EXOC6: variants seen among roughly 807,000 people sequenced by gnomAD.
EXOC6 encodes the protein exocyst complex component 6.
Under a neutral mutation model 112.5 loss-of-function variants are expected in EXOC6, and 60 were observed. The ratio of observed to expected loss-of-function variants is 0.53; its 90% confidence interval spans 0.43 to 0.66. The LOEUF (loss-of-function observed/expected upper bound fraction) is 0.66. Ranked by LOEUF, EXOC6 falls within the 30% of genes least tolerant of loss-of-function variation. The pLI, the probability that EXOC6 is intolerant of heterozygous loss-of-function variation, is 0.00. For missense variants in EXOC6, 855 were observed against 957.1 expected, an observed-to-expected ratio of 0.89 and a Z score of 1.41; for synonymous variants, 295 against 308.0, an observed-to-expected ratio of 0.96 and a Z score of 0.44.
intron 20 of EXOC6, among the ~76,000 whole-genome samples, chr10:93,023,700 C>T (rs1022907744): frequency 6.6e-6 from 1 of 152,028 alleles, no homozygotes; most frequent in Non-Finnish European, 1.5e-5. Context: ...TTTACAAAGA[C>T]CATATGTTTT....
chr10:92,880,336 C>T (rs1366614706), intron 1 of EXOC6, among the ~76,000 whole-genome samples: 2 of 152,190 alleles, frequency 1.3e-5, no homozygotes, highest in African/African-American at 4.8e-5. Context: ...TTAGTATAGA[C>T]GCAACCACCC....
intron 17 of EXOC6, among the ~76,000 whole-genome samples, chr10:92,968,951 G>A (rs1016634743): frequency 2.0e-5 from 3 of 151,786 alleles, no homozygotes; most frequent in South Asian, 2.1e-4. Flanking sequence ...TCATTTCTTC[G>A]TTACTCATTA....
intron 1 of EXOC6, among the ~76,000 whole-genome samples, chr10:92,881,998 A>G (rs1329509267): frequency 6.6e-6 from 1 of 152,130 alleles, no homozygotes; most frequent in East Asian, 1.9e-4. Flanking sequence ...TTCTTTATCA[A>G]TTACCCAGTC....
chr10:92,937,569 T>A (rs1213744783), intron 12 of EXOC6, among the ~76,000 whole-genome samples: 3 of 152,194 alleles, frequency 2.0e-5, no homozygotes, highest in Non-Finnish European at 4.4e-5. Context: ...CACTCATGTC[T>A]ATTATATATT....
chr10:92,848,770 C>T (rs879467185), intron 1 of EXOC6, 136 bp downstream of exon 1: 1 of 616,438 alleles, frequency 1.6e-6, no homozygotes, highest in Non-Finnish European at 2.1e-6. Flanking sequence ...GGCGGGGGCG[C>T]TCGCGGGTGG....
intron 19 of EXOC6, among the ~76,000 whole-genome samples, chr10:93,007,254 T>A (rs185519386): frequency 4.0e-5 from 6 of 150,670 alleles, no homozygotes; most frequent in African/African-American, 1.2e-4. Flanking sequence ...TTTGCATAGA[T>A]CCTGAGGGGA....
intron 1 of EXOC6, among the ~76,000 whole-genome samples, chr10:92,856,327 G>C (rs1490884262): frequency 1.3e-5 from 2 of 151,728 alleles, no homozygotes; most frequent in African/African-American, 2.4e-5. Flanking sequence ...TTTTAATATT[G>C]GTTTTTACAG....
chr10:92,975,665 G>A (rs1400440895), intron 18 of EXOC6, among the ~76,000 whole-genome samples: 1 of 124,898 alleles, frequency 8.0e-6, no homozygotes, highest in African/African-American at 3.1e-5. Flanking sequence ...GAGGTGAGGG[G>A]CGCCTCTGCC....
Position 92,892,684 on chromosome 10 carries a change from T to C in EXOC6, c.102-665T>C, listed in dbSNP as rs112583519. On this transcript the variant is annotated intron_variant, in intron 1 of 21. Coordinates refer to ENST00000260762, the MANE Select transcript of EXOC6 (RefSeq NM_019053.6). Reference sequence around the variant, plus strand: ...GCAAGGGTAGTCCTTTACTGCATGGTGAATAGAGGGGTACGCTCTCTGTGG... The same window carrying C: ...GCAAGGGTAGTCCTTTACTGCATGGCGAATAGAGGGGTACGCTCTCTGTGG... 6.0e-3 allele frequency among the ~76,000 whole-genome samples: 916 copies of C among 152,158 alleles called. 7 individuals are homozygous for C. The highest frequency in any genetic ancestry group is 9.3e-3 in the South Asian group (45 of 4,820).
intron 19 of EXOC6, among the ~76,000 whole-genome samples, chr10:93,002,998 G>A (rs1444555809): frequency 6.6e-6 from 1 of 152,076 alleles, no homozygotes; most frequent in Non-Finnish European, 1.5e-5. Context: ...GCAAGGATCA[G>A]GAACTCAGAT....
At chr10:92,976,067 G>T (rs1166186732) in intron 18 of EXOC6, among the ~76,000 whole-genome samples, 1 of 132,462 alleles carries the variant, frequency 7.5e-6, no homozygotes, top group African/African-American at 2.9e-5. Flanking sequence ...TCAGCCCCCC[G>T]CCCGGCCAGC....
chr10:93,012,460 C>T (rs960296655), intron 19 of EXOC6, among the ~76,000 whole-genome samples: 2 of 152,050 alleles, frequency 1.3e-5, no homozygotes, highest in African/African-American at 4.8e-5. Flanking sequence ...CAGAGAATTA[C>T]GATACATTTT....
At chr10:92,965,382 T>C (rs1188629068) in intron 17 of EXOC6, among the ~76,000 whole-genome samples, 1 of 152,184 alleles carries the variant, frequency 6.6e-6, no homozygotes, top group African/African-American at 2.4e-5. Context: ...AGTTCTCAAA[T>C]TATGCTAGAT....
intron 6 of EXOC6, among the ~76,000 whole-genome samples, chr10:92,914,760 A>G (rs1850989847): frequency 6.6e-6 from 1 of 152,156 alleles, no homozygotes; most frequent in Non-Finnish European, 1.5e-5. Flanking sequence ...TGGCAGTTAC[A>G]TGTGCCTTAG....
Position 93,043,519 on chromosome 10 carries a change from TTA to T in EXOC6, c.2170-13403_2170-13402del, listed in dbSNP as rs534831029. On this transcript the variant is annotated intron_variant, in intron 20 of 21. Coordinates refer to ENST00000260762, the MANE Select transcript of EXOC6 (RefSeq NM_019053.6). ...GAGGGCACTGGGCCAGGCACTGTTTTTATGTATTACAAAGAAGAGATGCCATG... is the reference window on the plus strand; with the variant it reads ...GAGGGCACTGGGCCAGGCACTGTTTTTGTATTACAAAGAAGAGATGCCATG... Among the ~76,000 whole-genome samples the T allele has an allele frequency of 3.3e-3, 497 of 152,382 alleles. 3 individuals are homozygous for T. The highest frequency in any genetic ancestry group is 6.8e-3 in the Middle Eastern group (2 of 294).
chr10:93,025,673 T>C (rs1232229864), intron 20 of EXOC6, among the ~76,000 whole-genome samples: 1 of 152,212 alleles, frequency 6.6e-6, no homozygotes, highest in Admixed American at 6.5e-5. Flanking sequence ...TTGAATGATA[T>C]GTAGAGAATT....
At chr10:92,895,487 AGC>A (rs1265079097) in intron 4 of EXOC6, among the ~76,000 whole-genome samples, 1 of 152,136 alleles carries the variant, frequency 6.6e-6, no homozygotes. Context: ...ACATCAAAAG[AGC>A]TGGATCTTCA....
chr10:92,852,432 A>G (rs1847397158), intron 1 of EXOC6, among the ~76,000 whole-genome samples: 1 of 143,724 alleles, frequency 7.0e-6, no homozygotes, highest in South Asian at 2.3e-4. Context: ...AAGGAAACTA[A>G]ATCAGTATTC....
chr10:92,875,663 G>T (rs1848655623), intron 1 of EXOC6, among the ~76,000 whole-genome samples: 1 of 151,876 alleles, frequency 6.6e-6, no homozygotes, highest in Admixed American at 6.6e-5. Flanking sequence ...GAAGAATAGA[G>T]AGCAGAAAAA....
Sources: allele counts gnomAD v4.1 joint callset (sites outside exome capture counted in the v4.1 genomes callset), GRCh38; gene constraint gnomAD v4.1.1; transcripts MANE v1.5; gene names NCBI Gene and HGNC (gene_info 2026-07-23, HGNC 2026-07-21).